ELOVL2: variants seen among roughly 807,000 people sequenced by gnomAD.
The protein encoded by ELOVL2 is ELOVL fatty acid elongase 2.
Under a neutral mutation model 37.7 loss-of-function variants are expected in ELOVL2, and 38 were observed. The observed-to-expected ratio is 1.01, with a 90% CI of 0.78 to 1.32. The LOEUF (loss-of-function observed/expected upper bound fraction) is 1.32, where lower values mean the gene tolerates loss of function less well. Ranked by LOEUF, ELOVL2 falls within the 40% of genes most tolerant of loss-of-function variation. The pLI is 0.00. For missense variants in ELOVL2, 352 were observed against 363.6 expected, an observed-to-expected ratio of 0.97 and a Z score of 0.26; for synonymous variants, 115 against 122.3, an observed-to-expected ratio of 0.94 and a Z score of 0.40.
intron 1 of ELOVL2, among the ~76,000 whole-genome samples, chr6:11,020,102 ATAC>A (rs1382247947): frequency 2.6e-5 from 4 of 152,368 alleles, no homozygotes; most frequent in African/African-American, 9.6e-5. Context: ...TATAATTAAA[ATAC>A]TACAACTAAA....
At chr6:11,019,199 T>A (rs1402022922) in intron 1 of ELOVL2, among the ~76,000 whole-genome samples, 3 of 152,214 alleles carry the variant, frequency 2.0e-5, no homozygotes, top group Admixed American at 6.5e-5. Context: ...TAACACATTT[T>A]AAAATTTTAA....
chr6:11,041,801 AC>A (rs1783101794), intron 1 of ELOVL2, among the ~76,000 whole-genome samples: 2 of 152,230 alleles, frequency 1.3e-5, no homozygotes, highest in South Asian at 4.1e-4. Flanking sequence ...TTTTTAAAAA[AC>A]CAATGCCATA....
chr6:11,011,050 AAC>A (rs1337109010), intron 1 of ELOVL2, among the ~76,000 whole-genome samples: 5 of 152,086 alleles, frequency 3.3e-5, no homozygotes, highest in Admixed American at 3.3e-4. Context: ...AGTCCTAGAG[AAC>A]AGACTTGGTG....
chr6:11,000,291 T>C (rs1170528828), intron 3 of ELOVL2, 127 bp from the exon 4 acceptor site: 2 of 843,326 alleles, frequency 2.4e-6, no homozygotes, highest in Admixed American at 4.1e-5. Flanking sequence ...GAATTTGAGT[T>C]TGTCTCAATC....
Position 10,981,817 on chromosome 6 carries a change from C to T in ELOVL2, c.*1964G>A, listed in dbSNP as rs1426182193. 6.6e-6 allele frequency: 1 copy of T among 152,180 alleles called. No individual in the cohort carries two copies. Among genetic ancestry groups the T allele is most frequent in the Non-Finnish European group, 1.5e-5 (1 of 68,048 alleles). 9.4% of individuals were successfully genotyped at this position (152,180 alleles called of 1,614,324 possible). A position where few individuals can be genotyped will look rare whatever the true frequency, so the allele number is the denominator to read the frequency against. On this transcript the variant is annotated 3_prime_UTR_variant, in exon 8 of 8. Coordinates refer to ENST00000354666, the MANE Select transcript of ELOVL2 (RefSeq NM_017770.4). ...AAGTCTCATTTTTATCTGGAACGCA[C>T]TTTGGTAAGAGATTTCAGCCTATAT...
At position 11,037,078 on chromosome 6, in the gene ELOVL2, G is replaced by C. The variant is rs560158625; in HGVS notation, c.3+7150C>G. ...AGGGAAAGAGATAGAGAGGCAGAGAGGGAAAGAGACAGAGAGGTAGAGAGG... is the reference window on the plus strand; with the variant it reads ...AGGGAAAGAGATAGAGAGGCAGAGACGGAAAGAGACAGAGAGGTAGAGAGG... On this transcript the variant is annotated intron_variant, in intron 1 of 7. Transcript: ENST00000354666. Among the ~76,000 whole-genome samples the C allele has an allele frequency of 3.3e-3, 483 of 147,398 alleles. 4 individuals carry two copies. The highest frequency in any genetic ancestry group is 0.012 in the African/African-American group (464 of 39,600).
rs1581862016 is a variant in ELOVL2, at chr6:10,994,855, C to A, written c.505+152G>T. On this transcript the variant is annotated intron_variant, in intron 5 of 7. Transcript: ENST00000354666. ...AGACCAGACACTAGAATACATGACCCCTGGCAGACACGGGCATCCTGCTGC... is the reference window on the plus strand; with the variant it reads ...AGACCAGACACTAGAATACATGACCACTGGCAGACACGGGCATCCTGCTGC... The A allele has an allele frequency of 3.0e-5, 18 of 594,086 alleles. No homozygotes were observed. The East Asian group carries it at 5.2e-4, about 17-fold the overall frequency. The allele number at this position is 594,086 out of a possible 1,614,324, so 36.8% of individuals were successfully genotyped here. A position where few individuals can be genotyped will look rare whatever the true frequency, so the allele number is the denominator to read the frequency against.
intron 1 of ELOVL2, among the ~76,000 whole-genome samples, chr6:11,019,473 A>G (rs1245200052): frequency 2.0e-5 from 3 of 152,238 alleles, no homozygotes; most frequent in Non-Finnish European, 2.9e-5. Flanking sequence ...TCAGAGTGCA[A>G]TCAGATAACA....
At chr6:11,001,704 C>T (rs1222683252) in intron 3 of ELOVL2, among the ~76,000 whole-genome samples, 1 of 152,312 alleles carries the variant, frequency 6.6e-6, no homozygotes, top group East Asian at 1.9e-4. Context: ...ATTCCTGTGG[C>T]ATCTGTGCAG....
chr6:11,039,554 A>G (rs1783069185), intron 1 of ELOVL2, among the ~76,000 whole-genome samples: 1 of 152,222 alleles, frequency 6.6e-6, no homozygotes, highest in South Asian at 2.1e-4. Context: ...CTATCACTTC[A>G]AACATTTATC....
intron 1 of ELOVL2, among the ~76,000 whole-genome samples, chr6:11,029,223 CAAAAAA>C (rs376639413): frequency 0.036 from 2,701 of 75,768 alleles, 99 homozygotes; most frequent in African/African-American, 0.13. Flanking sequence ...AGGGAGATCT[CAAAAAA>C]AAAAAAAAAA....
chr6:11,039,517 A>G (rs543063113), intron 1 of ELOVL2, among the ~76,000 whole-genome samples: 102 of 152,320 alleles, frequency 6.7e-4, no homozygotes, highest in Non-Finnish European at 5.0e-4. Context: ...ATACAATGTA[A>G]TGATCAAGTT....
intron 1 of ELOVL2, among the ~76,000 whole-genome samples, chr6:11,028,659 A>G (rs1782872164): frequency 1.5e-5 from 2 of 130,344 alleles, no homozygotes; most frequent in African/African-American, 4.4e-5. Context: ...GTTGCCCCCC[A>G]TCACTGATTT....
intron 1 of ELOVL2, among the ~76,000 whole-genome samples, chr6:11,021,164 T>C (rs535185676): frequency 1.3e-5 from 2 of 152,370 alleles, no homozygotes; most frequent in East Asian, 3.9e-4. Context: ...ATGTCCTCTT[T>C]GTTCCAGGCA....
intron 1 of ELOVL2, among the ~76,000 whole-genome samples, chr6:11,013,838 G>A (rs1467466394): frequency 6.7e-6 from 1 of 148,476 alleles, no homozygotes; most frequent in Non-Finnish European, 1.5e-5. Context: ...CCCCCTTCTG[G>A]TCATCCTTTG....
Position 11,000,095 on chromosome 6 carries a change from C to T in ELOVL2, c.325G>A (p.Asp109Asn). The change falls in exon 4 of 8, where the codon GAC (aspartate) becomes AAC (asparagine). Residue 109 changes from aspartate to asparagine, a missense_variant. Coordinates refer to ENST00000354666, the MANE Select transcript of ELOVL2 (RefSeq NM_017770.4). ...CQDLTSAGEA[D>N]IRVAKVLWWY... ...TGCTTCTAGTGGCTCACCCGGATGT[C>T]AGCTTCCCCTGCGCTGGTAAGATCT... 2.5e-6 allele frequency: 4 copies of T among 1,614,102 alleles called. No individual in the cohort carries two copies. The highest frequency in any genetic ancestry group is 3.4e-6 in the Non-Finnish European group (4 of 1,179,990).
intron 1 of ELOVL2, among the ~76,000 whole-genome samples, chr6:11,027,344 A>C (rs1782854538): frequency 1.3e-5 from 2 of 152,112 alleles, no homozygotes; most frequent in Non-Finnish European, 2.9e-5. Flanking sequence ...ACCTCAGATG[A>C]GTAGGAGCAG....
intron 7 of ELOVL2, among the ~76,000 whole-genome samples, chr6:10,987,324 A>C (rs1442266683): frequency 6.6e-6 from 1 of 152,040 alleles, no homozygotes; most frequent in Non-Finnish European, 1.5e-5. Context: ...GATTTTTTGA[A>C]GGGTTTTTTG....
chr6:11,029,958 G>A (rs1022726813), intron 1 of ELOVL2, among the ~76,000 whole-genome samples: 9 of 152,186 alleles, frequency 5.9e-5, no homozygotes, highest in African/African-American at 2.2e-4. Flanking sequence ...TTTGTAAAGA[G>A]GGAATGGCAG....
Sources: allele counts gnomAD v4.1 joint callset (sites outside exome capture counted in the v4.1 genomes callset), GRCh38; gene constraint gnomAD v4.1.1; transcripts MANE v1.5; gene names NCBI Gene and HGNC (gene_info 2026-07-23, HGNC 2026-07-21).